The following PDGFD variants were observed in gnomAD, a reference collection of about 807,000 sequenced individuals.
PDGFD encodes platelet-derived growth factor D.
In PDGFD, 30 loss-of-function variants were observed where a neutral mutation model predicts 44.7. The observed-to-expected ratio is 0.67, with a 90% CI of 0.50 to 0.91. The LOEUF (loss-of-function observed/expected upper bound fraction) is 0.91, where lower values mean the gene tolerates loss of function less well. Ranked by LOEUF, PDGFD falls within the 40% of genes least tolerant of loss-of-function variation. The pLI, the probability that PDGFD is intolerant of heterozygous loss-of-function variation, is 0.00. For synonymous variants in PDGFD, 173 were observed against 168.4 expected (o/e 1.03, Z -0.21); for missense variants, 445 against 457.8 (o/e 0.97, Z 0.25).
At chr11:104,043,986 G>A (rs1860401006) in intron 1 of PDGFD, among the ~76,000 whole-genome samples, 1 of 152,188 alleles carries the variant, frequency 6.6e-6, no homozygotes, top group African/African-American at 2.4e-5. Context: ...CTCTTATAAA[G>A]TTAATGAAAA....
intron 3 of PDGFD, among the ~76,000 whole-genome samples, chr11:103,974,347 T>C (rs942292718): frequency 2.0e-5 from 3 of 152,164 alleles, no homozygotes; most frequent in African/African-American, 4.8e-5. Flanking sequence ...CTTCTCCCCA[T>C]GTGCAGTCAC....
In PDGFD at chr11:104,009,596, GAA is replaced by G. The variant is rs563797346; in HGVS notation, c.125-9343_125-9342del. On this transcript the variant is annotated intron_variant, in intron 1 of 6. Transcript: ENST00000393158. ...TTTGTTGAAGCAGCAAAAAAGAAAT[GAA>G]AGAGATGGAAGATAGAAAAGAGACT... Among the ~76,000 whole-genome samples the G allele has an allele frequency of 3.1e-3, 467 of 152,122 alleles. 17 individuals are homozygous for G. Among genetic ancestry groups the G allele is most frequent in the Admixed American group, 0.028 (432 of 15,262 alleles).
chr11:103,955,341 G>A (rs1050025365), intron 3 of PDGFD, among the ~76,000 whole-genome samples: 1 of 152,142 alleles, frequency 6.6e-6, no homozygotes, highest in African/African-American at 2.4e-5. Flanking sequence ...TGTGTCCTGG[G>A]ATTACTCTAC....
At chr11:104,163,596 T>A (rs1475583385) in intron 1 of PDGFD, among the ~76,000 whole-genome samples, 1 of 151,862 alleles carries the variant, frequency 6.6e-6, no homozygotes, top group African/African-American at 2.4e-5. Context: ...CCTATCCCCA[T>A]CAGCACGCGT....
At chr11:104,113,609 CAT>C (rs1861592562) in intron 1 of PDGFD, among the ~76,000 whole-genome samples, 1 of 149,400 alleles carries the variant, frequency 6.7e-6, no homozygotes, top group East Asian at 2.0e-4. Context: ...TTTTAATGAA[CAT>C]AAGCTTTCAA....
chr11:103,986,718 C>G (rs896550095), intron 3 of PDGFD, among the ~76,000 whole-genome samples: 6 of 152,148 alleles, frequency 3.9e-5, no homozygotes, highest in Non-Finnish European at 7.4e-5. Context: ...AGCTCTTTCT[C>G]AAAACAAACC....
chr11:103,958,834 A>G (rs1361020800), intron 3 of PDGFD, among the ~76,000 whole-genome samples: 1 of 152,196 alleles, frequency 6.6e-6, no homozygotes, highest in Non-Finnish European at 1.5e-5. Context: ...AGAAAATGGG[A>G]ATTACAAACA....
At chr11:104,138,724 T>C (rs1000801748) in intron 1 of PDGFD, among the ~76,000 whole-genome samples, 4 of 152,222 alleles carry the variant, frequency 2.6e-5, no homozygotes, top group Non-Finnish European at 4.4e-5. Flanking sequence ...CCAAATAAAA[T>C]GACTTTATAC....
At chr11:103,956,068 T>C (rs1330269315) in intron 3 of PDGFD, among the ~76,000 whole-genome samples, 1 of 39,222 alleles carries the variant, frequency 2.5e-5, no homozygotes, top group Non-Finnish European at 6.9e-5. Context: ...AGTTTGGGAA[T>C]TTTTTTTTTT....
chr11:103,944,555 C>G (rs1858641413), intron 4 of PDGFD, among the ~76,000 whole-genome samples: 1 of 152,076 alleles, frequency 6.6e-6, no homozygotes, highest in South Asian at 2.1e-4. Context: ...AACTACCAAA[C>G]AAATAAGATT....
rs1281080199 is a variant in PDGFD, at chr11:104,057,995, C to T, written c.125-57740G>A. Among the ~76,000 whole-genome samples the T allele has an allele frequency of 3.9e-5, 6 of 152,236 alleles. No homozygotes were observed. In the East Asian group the frequency reaches 9.6e-4, roughly 24 times the overall value. On this transcript the variant is annotated intron_variant, in intron 1 of 6. Transcript: ENST00000393158. ...AAAACAAAAGAACTTGGGCTGTTAC[C>T]TTGCACCATCCAAAATAATTAACTC...
At chr11:104,005,241 G>A (rs537262178) in intron 1 of PDGFD, among the ~76,000 whole-genome samples, 3 of 152,282 alleles carry the variant, frequency 2.0e-5, no homozygotes, top group African/African-American at 4.8e-5. Flanking sequence ...CTTGCTCAAG[G>A]TCACAGAGCT....
At chr11:103,977,657 A>G (rs150837912) in intron 3 of PDGFD, among the ~76,000 whole-genome samples, 10 of 152,208 alleles carry the variant, frequency 6.6e-5, no homozygotes, top group African/African-American at 2.2e-4. Flanking sequence ...TTAGTATAAA[A>G]AGATAGATGA....
chr11:103,990,768 A>C (rs961605271), intron 3 of PDGFD, among the ~76,000 whole-genome samples: 1 of 152,182 alleles, frequency 6.6e-6, no homozygotes, highest in African/African-American at 2.4e-5. Context: ...TCCTGGCTGA[A>C]GTGCCTAAAA....
intron 1 of PDGFD, among the ~76,000 whole-genome samples, chr11:104,064,174 C>A (rs1860753467): frequency 6.6e-6 from 1 of 152,180 alleles, no homozygotes; most frequent in East Asian, 1.9e-4. Flanking sequence ...AATACTGTTG[C>A]CTTTACAATG....
chr11:103,955,933 A>C (rs1204512792), intron 3 of PDGFD, among the ~76,000 whole-genome samples: 1 of 152,192 alleles, frequency 6.6e-6, no homozygotes, highest in Non-Finnish European at 1.5e-5. Context: ...AGGATTCATT[A>C]ATCAATCATC....
At chr11:103,968,084 T>C (rs1281727964) in intron 3 of PDGFD, among the ~76,000 whole-genome samples, 1 of 152,154 alleles carries the variant, frequency 6.6e-6, no homozygotes, top group East Asian at 1.9e-4. Context: ...TGCGTTAACA[T>C]TGTTGATGAC....
At chr11:103,989,348 A>T (rs1012837135) in intron 3 of PDGFD, among the ~76,000 whole-genome samples, 1 of 152,224 alleles carries the variant, frequency 6.6e-6, no homozygotes, top group Non-Finnish European at 1.5e-5. Flanking sequence ...TTCTTAAAGA[A>T]TGTGTGCTTC....
At position 103,955,712 on chromosome 11, in the gene PDGFD, G is replaced by A. The variant is rs577392548; in HGVS notation, c.511-7988C>T. Among the ~76,000 whole-genome samples, 17 of 152,262 alleles carry A rather than the reference G, an allele frequency of 1.1e-4. No individual in the cohort carries two copies. The South Asian group carries it at 3.3e-3, about 30-fold the overall frequency. Reference sequence around the variant, plus strand: ...TCTCTCAAAGTTAGAGAATTTGCCTGTGAAATTTAATAATATATGTTTCTT... The same window carrying A: ...TCTCTCAAAGTTAGAGAATTTGCCTATGAAATTTAATAATATATGTTTCTT... On this transcript the variant is annotated intron_variant, in intron 3 of 6. Transcript: ENST00000393158.
Sources: allele counts gnomAD v4.1 joint callset (sites outside exome capture counted in the v4.1 genomes callset), GRCh38; gene constraint gnomAD v4.1.1; transcripts MANE v1.5; gene names NCBI Gene and HGNC (gene_info 2026-07-23, HGNC 2026-07-21).